The following LRRC24 variants were observed in gnomAD, a reference collection of about 807,000 sequenced individuals.
LRRC24 encodes leucine-rich repeat-containing protein 24.
In LRRC24, 19 loss-of-function variants were observed where a neutral mutation model predicts 15.3. The observed-to-expected ratio is 1.25, with a 90% CI of 0.87 to 1.83. The LOEUF (loss-of-function observed/expected upper bound fraction) is 1.83, where lower values mean the gene tolerates loss of function less well. Among genes scored for constraint, LRRC24 ranks in the 40% most tolerant of loss-of-function variants. LRRC24 has a pLI of 0.00. For missense variants in LRRC24, 914 were observed against 723.9 expected, an observed-to-expected ratio of 1.26 and a Z score of -3.01; for synonymous variants, 469 against 359.6, an observed-to-expected ratio of 1.30 and a Z score of -3.44.
chr8:144,523,131 C>T lies in LRRC24; in HGVS notation c.886G>A (p.Val296Met). ...GGCCGGCCCTCGCGAGGCTGGGGCA[C>T]CTTTCTCCAGGTCACCAATGGCTGC... ...YPQPLVTWRK[V>M]PQPREGRPRA... is the part of the protein sequence containing the mutation. The change falls in exon 5 of 5, where the codon GTG (valine) becomes ATG (methionine). Residue 296 changes from valine (V) to methionine (M), a missense_variant. Transcript: ENST00000529415. 1 of 1,610,586 alleles carries T rather than the reference C, an allele frequency of 6.2e-7. No homozygotes were observed. Among genetic ancestry groups the T allele is most frequent in the Non-Finnish European group, 8.5e-7 (1 of 1,179,510 alleles).
Position 144,524,828 on chromosome 8 carries a change from C to T in LRRC24, c.147G>A (p.Pro49=). The T allele has an allele frequency of 6.8e-7, 1 of 1,471,084 alleles. No individual in the cohort carries two copies. Among genetic ancestry groups the T allele is most frequent in the Non-Finnish European group, 9.0e-7 (1 of 1,111,126 alleles). The allele number at this position is 1,471,084 out of a possible 1,614,324, so 91.1% of individuals were successfully genotyped here. Residue 49 remains proline (P), a synonymous_variant, in exon 2 of 5, where the codon CCG becomes CCA. Transcript: ENST00000529415. ...LRLRVVPLGI[P]PGTQTLFLQD... The stretch of plus-strand genomic sequence containing the variant: ...ACACGGTGCCCACCTGCGTCCCTGG[C>T]GGGATTCCCAGCGGGACGACGCGCA...
rs972015533 is a variant in LRRC24, at chr8:144,524,777, G to A, written c.159+39C>T. 6.3e-6 allele frequency: 9 copies of A among 1,435,660 alleles called. No individual in the cohort carries two copies. The African/African-American group carries it at 7.4e-5, about 12-fold the overall frequency. 88.9% of individuals were successfully genotyped at this position (1,435,660 alleles called of 1,614,324 possible). A position where few individuals can be genotyped will look rare whatever the true frequency, so the allele number is the denominator to read the frequency against. Reference sequence around the variant, plus strand: ...CGTTGCGGGGGTCTTCCTCTCCCTGGGGGCACCCCGTCCTCCCGCAGCTCC... The same window carrying A: ...CGTTGCGGGGGTCTTCCTCTCCCTGAGGGCACCCCGTCCTCCCGCAGCTCC... On this transcript the variant is annotated intron_variant, in intron 2 of 4. Transcript: ENST00000529415.
At chr8:144,525,695 AAAAT>A (rs1231915529) in intron 1 of LRRC24, 1 of 152,174 alleles carries the variant, frequency 6.6e-6, no homozygotes, top group African/African-American at 2.4e-5. Context: ...GGGGATGAGA[AAAAT>A]AATAGGAAAT....
rs1282006911 is a variant in LRRC24, at chr8:144,524,678, C to T, written c.201G>A (p.Pro67=). Residue 67 remains proline (P), a synonymous_variant, in exon 3 of 5, where the codon CCG becomes CCA. Coordinates refer to ENST00000529415, the MANE Select transcript of LRRC24 (RefSeq NM_001024678.4). ...GAGCGGCGAGTGGCGCCAGGGCTCCCGGCTCTAGGCGGGCGATGTTGTTGT... is the reference window on the plus strand; with the variant it reads ...GAGCGGCGAGTGGCGCCAGGGCTCCTGGCTCTAGGCGGGCGATGTTGTTGT... ...LQDNNIARLE[P]GALAPLAALR... 5 of 1,474,938 alleles carry T rather than the reference C, an allele frequency of 3.4e-6. No homozygotes were observed. The highest frequency in any genetic ancestry group is 2.9e-5 in the African/African-American group (2 of 68,528). The allele number at this position is 1,474,938 out of a possible 1,614,324, so 91.4% of individuals were successfully genotyped here. A position where few individuals can be genotyped will look rare whatever the true frequency, so the allele number is the denominator to read the frequency against.
intron 1 of LRRC24, 167 bp from the exon 2 acceptor site, chr8:144,525,200 C>T (rs914183392): frequency 7.1e-5 from 31 of 436,544 alleles, no homozygotes; most frequent in African/African-American, 6.4e-4. Flanking sequence ...AGCTCTGGGG[C>T]ATCAGGTTCA....
chr8:144,522,734 C>A lies in LRRC24; in HGVS notation c.1283G>T (p.Arg428Leu). The change falls in exon 5 of 5, where the codon CGG becomes CTG. Residue 428 changes from arginine to leucine, a missense_variant. Coordinates refer to ENST00000529415, the MANE Select transcript of LRRC24 (RefSeq NM_001024678.4). Reference sequence around the variant, plus strand: ...CCGCGCCTTTTTTCGCCTGCGGCGCCGGCGACAGATCATGGCGACCAGGAG... The same window carrying A: ...CCGCGCCTTTTTTCGCCTGCGGCGCAGGCGACAGATCATGGCGACCAGGAG... ...ALLLVAMICR[R>L]RRRRKKARGP... 2 of 1,591,382 alleles carry A rather than the reference C, an allele frequency of 1.3e-6. No individual in the cohort carries two copies. The highest frequency in any genetic ancestry group is 1.7e-6 in the Non-Finnish European group (2 of 1,170,568).
At position 144,524,133 on chromosome 8, in the gene LRRC24, C is replaced by A; in HGVS notation, c.584G>T (p.Ser195Ile). Residue 195 changes from serine to isoleucine, a missense_variant, in exon 4 of 5, where the codon AGT (serine) becomes ATT (isoleucine). Transcript: ENST00000529415. Reference sequence around the variant, plus strand: ...ACCTGTGAGGCGCAGGACTTGCAGACTGGCCAGGGGCTGCAGGGCCTCTCG... The same window carrying A: ...ACCTGTGAGGCGCAGGACTTGCAGAATGGCCAGGGGCTGCAGGGCCTCTCG... ...ISREALQPLASLQVLRLTENP... is the reference protein window; with the variant it reads ...ISREALQPLAILQVLRLTENP... 6.2e-7 allele frequency: 1 copy of A among 1,604,220 alleles called. No homozygotes were observed. The highest frequency in any genetic ancestry group is 8.5e-7 in the Non-Finnish European group (1 of 1,173,498).
rs368565592 is a variant in LRRC24 at position 144,522,573 on chromosome 8, C to A, written c.1444G>T (p.Glu482Ter). ...TCAGCGGGCGCCTCCGCCGGACCCT[C>A]GGCGAAGAGCGGCTTGGAGCGGTTG... Reference protein sequence around the residue: ...VINRSKPLFAEGPAEAPADCG... With the variant: ...VINRSKPLFA The change falls in exon 5 of 5, where the codon GAG (glutamate) becomes TAG (stop). Residue 482 changes from glutamate to a stop codon, truncating the protein, a stop_gained. Transcript: ENST00000529415. LOFTEE classifies it low-confidence loss of function (END_TRUNC). The A allele has an allele frequency of 5.1e-6, 8 of 1,553,966 alleles. No homozygotes were observed. The highest frequency in any genetic ancestry group is 6.9e-6 in the Non-Finnish European group (8 of 1,152,276).
Position 144,522,605 on chromosome 8 carries a change from A to G in LRRC24, c.1412T>C (p.Phe471Ser), listed in dbSNP as rs1225116509. The change falls in exon 5 of 5, where the codon TTC becomes TCC. Residue 471 changes from phenylalanine (F) to serine (S), a missense_variant. Coordinates refer to ENST00000529415, the MANE Select transcript of LRRC24 (RefSeq NM_001024678.4). The stretch of plus-strand genomic sequence containing the variant: ...GAGCGGCTTGGAGCGGTTGATGACG[A>G]ACATCTCGTGGCCGCGCTCGTCGCG... ...ELRDERGHEM[F>S]VINRSKPLFA... 2 of 1,570,194 alleles carry G rather than the reference A, an allele frequency of 1.3e-6. No homozygotes were observed. Among genetic ancestry groups the G allele is most frequent in the Non-Finnish European group, 8.6e-7 (1 of 1,160,708 alleles).
intron 1 of LRRC24, among the ~76,000 whole-genome samples, chr8:144,525,386 G>A (rs969752748): frequency 6.6e-6 from 1 of 152,228 alleles, no homozygotes; most frequent in African/African-American, 2.4e-5. Flanking sequence ...GCAAGTGGCT[G>A]CTGCTTGGTT....
Position 144,522,499 on chromosome 8 carries a change from C to T in LRRC24, c.1518G>A (p.Pro506=), listed in dbSNP as rs1449481775. 6.7e-6 allele frequency: 10 copies of T among 1,493,828 alleles called. No homozygotes were observed. The African/African-American group carries it at 1.0e-4, about 15-fold the overall frequency. The allele number at this position is 1,493,828 out of a possible 1,614,324, so 92.5% of individuals were successfully genotyped here. The change falls in exon 5 of 5, where the codon CCG becomes CCA. Residue 506 remains proline, a synonymous_variant. Coordinates refer to ENST00000529415, the MANE Select transcript of LRRC24 (RefSeq NM_001024678.4). The part of the protein sequence containing the change: ...GAGPGLRVPP[P]VAYEIHC ...CCTAGCAGTGGATCTCGTAGGCGAC[C>T]GGCGGGGGCACGCGGAGTCCCGGCC... is the stretch of plus-strand genomic sequence containing the variant.
At position 144,523,157 on chromosome 8, in the gene LRRC24, G is replaced by A. The variant is rs1816196066; in HGVS notation, c.860C>T (p.Pro287Leu). 1 of 1,610,880 alleles carries A rather than the reference G, an allele frequency of 6.2e-7. No individual in the cohort carries two copies. The highest frequency in any genetic ancestry group is 2.2e-5 in the East Asian group (1 of 44,800). Residue 287 changes from proline (P) to leucine (L), a missense_variant, in exon 5 of 5, where the codon CCG becomes CTG. Physicochemically the swap from Pro to Leu is moderately conservative, Grantham distance 98 (BLOSUM62 -3). Coordinates refer to ENST00000529415, the MANE Select transcript of LRRC24 (RefSeq NM_001024678.4). ...LRVACQASGY[P>L]QPLVTWRKVP... ...CTTTCTCCAGGTCACCAATGGCTGC[G>A]GGTAGCCGGAGGCTTGGCAGGCAAC... is the stretch of plus-strand genomic sequence containing the variant.
Position 144,522,501 on chromosome 8 carries a change from G to GCGGGGGCACGCGGAGT in LRRC24, c.1500_1515dup (p.Pro506ThrfsTer21). ...TAGCAGTGGATCTCGTAGGCGACCG[G>GCGGGGGCACGCGGAGT]CGGGGGCACGCGGAGTCCCGGCCCC... On this transcript the variant is annotated frameshift_variant, in exon 5 of 5. Coordinates refer to ENST00000529415, the MANE Select transcript of LRRC24 (RefSeq NM_001024678.4). LOFTEE classifies it high-confidence loss of function. The GCGGGGGCACGCGGAGT allele has an allele frequency of 6.7e-7, 1 of 1,494,412 alleles. No homozygotes were observed. Among genetic ancestry groups the GCGGGGGCACGCGGAGT allele is most frequent in the Non-Finnish European group, 8.9e-7 (1 of 1,127,766 alleles). 92.6% of individuals were successfully genotyped at this position (1,494,412 alleles called of 1,614,324 possible).
At chr8:144,523,848 C>G (rs949482904) in intron 4 of LRRC24, 1 of 494,204 alleles carries the variant, frequency 2.0e-6, no homozygotes, top group African/African-American at 2.0e-5. Flanking sequence ...GTCTGCCTCC[C>G]CTCAGCCTAA....
intron 4 of LRRC24, chr8:144,523,820 T>G: frequency 2.1e-6 from 1 of 473,496 alleles, no homozygotes; most frequent in East Asian, 3.5e-5. Flanking sequence ...GTCAGCTGTC[T>G]CTCTCCTTTG....
At chr8:144,525,654 C>T (rs1816334327) in intron 1 of LRRC24, 1 of 152,146 alleles carries the variant, frequency 6.6e-6, no homozygotes, top group Non-Finnish European at 1.5e-5. Flanking sequence ...TAGAATTGGG[C>T]CTTTTTCTCA....
intron 1 of LRRC24, chr8:144,525,841 G>A (rs914358906): frequency 6.6e-6 from 1 of 152,260 alleles, no homozygotes; most frequent in African/African-American, 2.4e-5. Context: ...CTGGGTTTCT[G>A]GTGTGGCTTC....
chr8:144,522,850 G>C lies in LRRC24; in HGVS notation c.1167C>G (p.Pro389=). 2 of 1,284,498 alleles carry C rather than the reference G, an allele frequency of 1.6e-6. No individual in the cohort carries two copies. Among genetic ancestry groups the C allele is most frequent in the East Asian group, 3.1e-5 (1 of 32,004 alleles). The allele number at this position is 1,284,498 out of a possible 1,614,324, so 79.6% of individuals were successfully genotyped here. A position where few individuals can be genotyped will look rare whatever the true frequency, so the allele number is the denominator to read the frequency against. ...CGCGGAAGGCCATGCTGCCCGCCTC[G>C]GGCCGGGGCTCGCTGCCGGCGGGGC... ...AARPAGSEPR[P]EAGSMAFRAL... The change falls in exon 5 of 5, where the codon CCC becomes CCG. Residue 389 remains proline (P), a synonymous_variant. Transcript: ENST00000529415.
chr8:144,523,854 C>T, intron 4 of LRRC24: 1 of 526,308 alleles, frequency 1.9e-6, no homozygotes, highest in Non-Finnish European at 3.3e-6. Flanking sequence ...CTCCCCTCAG[C>T]CTAAAAGTGT....
Sources: gnomAD v4.1 joint callset for allele counts (sites outside exome capture counted in the v4.1 genomes callset) on GRCh38, gnomAD v4.1.1 for gene constraint, MANE v1.5 for transcripts, NCBI Gene and HGNC (gene_info 2026-07-23, HGNC 2026-07-21) for gene names.